Variants in IL18RAP observed in about 807,000 individuals in gnomAD.
IL18RAP encodes interleukin-18 receptor accessory protein.
Under a neutral mutation model 58.1 loss-of-function variants are expected in IL18RAP, and 37 were observed. The ratio of observed to expected loss-of-function variants is 0.64; its 90% CI spans 0.49 to 0.84. The LOEUF (loss-of-function observed/expected upper bound fraction) is 0.84, where lower values mean the gene tolerates loss of function less well. IL18RAP is among the 40% of genes least tolerant of loss of function. IL18RAP has a pLI of 0.00. For synonymous variants in IL18RAP, 268 were observed against 257.5 expected (o/e 1.04, Z -0.39); for missense variants, 667 against 704.8 (o/e 0.95, Z 0.61).
chr2:102,445,926 T>C (rs750648623), intron 7 of IL18RAP, among the ~76,000 whole-genome samples: 5 of 152,198 alleles, frequency 3.3e-5, no homozygotes, highest in Non-Finnish European at 7.3e-5. Context: ...CTTTAATTAA[T>C]AGATAACTAT....
Position 102,424,071 on chromosome 2 carries a change from C to T in IL18RAP, c.331C>T (p.Leu111Phe). The change falls in exon 2 of 10, where the codon CTT becomes TTT. Residue 111 changes from leucine (L) to phenylalanine (F), a missense_variant. Coordinates refer to ENST00000687160, the MANE Select transcript of IL18RAP (RefSeq NM_001393487.1). ...TCACATCATTCAGGACAAATGTACC[C>T]TTCACTTTTTGACCCCAGGGGTGAA... is the stretch of plus-strand genomic sequence containing the variant. Reference protein sequence around the residue: ...YPHIIQDKCTLHFLTPGVNNS... With the variant: ...YPHIIQDKCTFHFLTPGVNNS... 6.2e-7 allele frequency: 1 copy of T among 1,614,070 alleles called. No homozygotes were observed. The highest frequency in any genetic ancestry group is 8.5e-7 in the Non-Finnish European group (1 of 1,179,968).
In IL18RAP at chr2:102,447,208, G is replaced by C. The variant is rs777489146; in HGVS notation, c.1210+1G>C. On this transcript the variant is annotated splice_donor_variant, in intron 8 of 9. Coordinates refer to ENST00000687160, the MANE Select transcript of IL18RAP (RefSeq NM_001393487.1). LOFTEE classifies it high-confidence loss of function. Reference sequence around the variant, plus strand: ...CAGAGCAAGGATCAGACGCTTGGGGGTAAGTTTACCTCCACATGCAGCCCT... The same window carrying C: ...CAGAGCAAGGATCAGACGCTTGGGGCTAAGTTTACCTCCACATGCAGCCCT... The C allele has an allele frequency of 2.8e-5, 45 of 1,612,778 alleles. No individual in the cohort carries two copies.
At chr2:102,448,149 T>C (rs1683547365) in intron 8 of IL18RAP, among the ~76,000 whole-genome samples, 1 of 152,320 alleles carries the variant, frequency 6.6e-6, no homozygotes, top group East Asian at 1.9e-4. Context: ...GCTACTTTAA[T>C]GGTCACAGCA....
rs1334382522 is a variant in IL18RAP, at chr2:102,450,993, G to T, written c.1356G>T (p.Leu452Phe). The T allele has an allele frequency of 1.2e-6, 2 of 1,603,582 alleles. No individual in the cohort carries two copies. Among genetic ancestry groups the T allele is most frequent in the South Asian group, 1.1e-5 (1 of 87,702 alleles). Residue 452 changes from leucine to phenylalanine, a missense_variant, in exon 9 of 10, where the codon TTG becomes TTT. Leu to Phe is a conservative substitution (Grantham distance 22). Coordinates refer to ENST00000687160, the MANE Select transcript of IL18RAP (RefSeq NM_001393487.1). ...ACAAATATGGATATAGCCTGTGTTTGCTTGAAAGAGATGTGGCTCCAGGAG... is the reference window on the plus strand; with the variant it reads ...ACAAATATGGATATAGCCTGTGTTTTCTTGAAAGAGATGTGGCTCCAGGAG... ...LENKYGYSLCLLERDVAPGGV... is the reference protein window; with the variant it reads ...LENKYGYSLCFLERDVAPGGV...
In IL18RAP at chr2:102,423,800, A is replaced by T; in HGVS notation, c.71-11A>T. On this transcript the variant is annotated splice_polypyrimidine_tract_variant and intron_variant, in intron 1 of 9. Coordinates refer to ENST00000687160, the MANE Select transcript of IL18RAP (RefSeq NM_001393487.1). ...TGTGTTTCCATGTGCTTTGTTTATT[A>T]TGATTTTCAGGTTGTTCCACAAAAA... is the stretch of plus-strand genomic sequence containing the variant. 3 of 1,591,278 alleles carry T rather than the reference A, an allele frequency of 1.9e-6. No homozygotes were observed. The highest frequency in any genetic ancestry group is 2.6e-6 in the Non-Finnish European group (3 of 1,161,142).
At chr2:102,445,415 T>C in intron 7 of IL18RAP, 75 bp downstream of exon 7, 1 of 1,408,796 alleles carries the variant, frequency 7.1e-7, no homozygotes, top group Non-Finnish European at 9.9e-7. Flanking sequence ...TAAAGAATAG[T>C]AATAATGATG....
intron 4 of IL18RAP, among the ~76,000 whole-genome samples, chr2:102,440,766 C>T (rs936450783): frequency 3.3e-5 from 5 of 152,150 alleles, no homozygotes; most frequent in Non-Finnish European, 7.3e-5. Context: ...CAGAAAAAGA[C>T]ACACCTTCAG....
In IL18RAP at chr2:102,423,285, G is replaced by A. The variant is rs961736680; in HGVS notation, c.8G>A (p.Cys3Tyr). The A allele has an allele frequency of 1.2e-6, 2 of 1,614,036 alleles. No individual in the cohort carries two copies. Among genetic ancestry groups the A allele is most frequent in the Non-Finnish European group, 1.7e-6 (2 of 1,179,910 alleles). ...CAGGAACACGGGAGAACAATGCTCT[G>A]TTTGGGCTGGATATTTCTTTGGCTT... is the stretch of plus-strand genomic sequence containing the variant. ML[C>Y]LGWIFLWLVA... Residue 3 changes from cysteine (C) to tyrosine (Y), a missense_variant, in exon 1 of 10, where the codon TGT becomes TAT. By Grantham distance (194) the Cys-to-Tyr change is radical. Coordinates refer to ENST00000687160, the MANE Select transcript of IL18RAP (RefSeq NM_001393487.1).
intron 3 of IL18RAP, among the ~76,000 whole-genome samples, chr2:102,426,743 C>CT (rs957892139): frequency 5.3e-5 from 8 of 152,048 alleles, no homozygotes; most frequent in African/African-American, 1.9e-4. Flanking sequence ...ACCTTGCTTA[C>CT]TTTTTTTGTG....
intron 6 of IL18RAP, 67 bp from the exon 7 acceptor site, chr2:102,445,122 T>C: frequency 6.8e-7 from 1 of 1,471,934 alleles, no homozygotes. Context: ...TTATACGTGT[T>C]CCAAATGCTG....
chr2:102,436,407 G>A (rs1215023371), intron 3 of IL18RAP, among the ~76,000 whole-genome samples: 2 of 152,078 alleles, frequency 1.3e-5, no homozygotes, highest in African/African-American at 4.8e-5. Context: ...ATTTAGCCTT[G>A]TATACCACTA....
intron 6 of IL18RAP, among the ~76,000 whole-genome samples, chr2:102,443,632 T>G (rs11465711): frequency 1.3e-5 from 2 of 152,116 alleles, no homozygotes; most frequent in Non-Finnish European, 2.9e-5. Context: ...CTGCTTACCC[T>G]CACTCTGCTT....
chr2:102,423,319 A>T lies in IL18RAP; in HGVS notation c.42A>T (p.Gly14=). Residue 14 remains glycine (G), a synonymous_variant, in exon 1 of 10, where the codon GGA becomes GGT. Coordinates refer to ENST00000687160, the MANE Select transcript of IL18RAP (RefSeq NM_001393487.1). ...LGWIFLWLVA[G]ERIKGFNISG... is the part of the protein sequence containing the mutation. ...GGATATTTCTTTGGCTTGTTGCAGG[A>T]GAGCGAATTAAAGGATTTAATATTT... 2.5e-6 allele frequency: 4 copies of T among 1,614,130 alleles called. No homozygotes were observed. Among genetic ancestry groups the T allele is most frequent in the Non-Finnish European group, 3.4e-6 (4 of 1,179,960 alleles).
chr2:102,427,616 T>G (rs1682038038), intron 3 of IL18RAP, among the ~76,000 whole-genome samples: 1 of 152,128 alleles, frequency 6.6e-6, no homozygotes, highest in African/African-American at 2.4e-5. Flanking sequence ...TTCTTCACAT[T>G]AACTCCTTAT....
chr2:102,425,418 G>A (rs1177560645), intron 3 of IL18RAP, among the ~76,000 whole-genome samples: 1 of 152,132 alleles, frequency 6.6e-6, no homozygotes, highest in African/African-American at 2.4e-5. Flanking sequence ...GAAGACAGAT[G>A]TTATCACATC....
Position 102,445,223 on chromosome 2 carries a change from C to A in IL18RAP, c.955C>A (p.Arg319Ser), listed in dbSNP as rs145435199. The A allele has an allele frequency of 6.2e-7, 1 of 1,613,824 alleles. No homozygotes were observed. Among genetic ancestry groups the A allele is most frequent in the East Asian group, 2.2e-5 (1 of 44,870 alleles). Residue 319 changes from arginine (R) to serine (S), a missense_variant, in exon 7 of 10, where the codon CGT (arginine) becomes AGT (serine). Physicochemically the swap from Arg to Ser is moderately radical, Grantham distance 110. Coordinates refer to ENST00000687160, the MANE Select transcript of IL18RAP (RefSeq NM_001393487.1). ...CACTTTAAAGGATGAAATCATTGAG[C>A]GTAATATCATCTTGGAAAAAGTCAC... Reference protein sequence around the residue: ...KSTLKDEIIERNIILEKVTQR... With the variant: ...KSTLKDEIIESNIILEKVTQR...
At chr2:102,418,696 C>T (rs1306204285), upstream of IL18RAP, 1 of 152,286 alleles carries the variant, frequency 6.6e-6, no homozygotes, top group East Asian at 1.9e-4. Context: ...TTCACAATGT[C>T]CATGGTCATT....
rs1190145925 is a variant in IL18RAP at position 102,423,959 on chromosome 2, C to A, written c.219C>A (p.Phe73Leu). 6.2e-7 allele frequency: 1 copy of A among 1,614,118 alleles called. No homozygotes were observed. The highest frequency in any genetic ancestry group is 1.7e-5 in the Admixed American group (1 of 59,992). The change falls in exon 2 of 10, where the codon TTC becomes TTA. Residue 73 changes from phenylalanine (F) to leucine (L), a missense_variant. Phe to Leu is a conservative substitution (Grantham distance 22). Coordinates refer to ENST00000687160, the MANE Select transcript of IL18RAP (RefSeq NM_001393487.1). ...SPKQVPEHLP[F>L]MGSNDLSDVQ... is the part of the protein sequence containing the mutation. ...AACAAGTCCCTGAGCACCTGCCCTT[C>A]ATGGGTAGTAACGACCTATCTGATG...
intron 5 of IL18RAP, 78 bp downstream of exon 5, chr2:102,441,455 T>A: frequency 8.8e-7 from 1 of 1,136,360 alleles, no homozygotes; most frequent in Non-Finnish European, 1.3e-6. Flanking sequence ...GAAAACAGCA[T>A]TGGGATTTCC....
Sources: allele counts gnomAD v4.1 joint callset (sites outside exome capture counted in the v4.1 genomes callset), GRCh38; gene constraint gnomAD v4.1.1; transcripts MANE v1.5; gene names NCBI Gene and HGNC (gene_info 2026-07-23, HGNC 2026-07-21).